KLRG1: variants seen among roughly 807,000 people sequenced by gnomAD.
The protein encoded by KLRG1 is killer cell lectin like receptor G1, also known as killer cell lectin-like receptor subfamily G member 1.
A neutral mutation model predicts 21.8 loss-of-function variants in KLRG1; 16 were observed. That is an observed-to-expected ratio of 0.73 (90% confidence interval 0.50 to 1.11). The LOEUF (loss-of-function observed/expected upper bound fraction) is 1.11, where lower values mean the gene tolerates loss of function less well. Ranked by LOEUF, KLRG1 falls within the 50% of genes most tolerant of loss-of-function variation. KLRG1 has a pLI of 0.00. For missense variants in KLRG1, 173 were observed against 218.3 expected, an observed-to-expected ratio of 0.79 and a Z score of 1.31; for synonymous variants, 69 against 75.9, an observed-to-expected ratio of 0.91 and a Z score of 0.47.
chr12:9,202,236 G>A, the KLRG1 span: 20 of 1,259,446 alleles, frequency 1.6e-5, no homozygotes, highest in African/African-American at 7.4e-5. Flanking sequence ...TCATCCTCTC[G>A]CTTTTCTTGT....
chr12:9,122,213 G>A, the KLRG1 span, among the ~76,000 whole-genome samples: 1 of 152,182 alleles, frequency 6.6e-6, no homozygotes, highest in Non-Finnish European at 1.5e-5. Flanking sequence ...TTTTGGAATA[G>A]GAAGCAAGGT....
the KLRG1 span, among the ~76,000 whole-genome samples, chr12:9,209,893 A>C: frequency 1.3e-5 from 2 of 152,146 alleles, no homozygotes; most frequent in African/African-American, 4.8e-5. Context: ...TGAGGATAAA[A>C]TTTATTAATT....
chr12:9,185,072 A>T, the KLRG1 span, among the ~76,000 whole-genome samples: 98,171 of 152,082 alleles, frequency 0.65, 31,896 homozygotes, highest in East Asian at 0.76. Context: ...GGTTCTTAAT[A>T]GGGCTGAGAT....
chr12:9,200,311 C>G, the KLRG1 span: 1 of 1,261,906 alleles, frequency 7.9e-7, no homozygotes, highest in Non-Finnish European at 1.1e-6. Context: ...CCTACATAAT[C>G]CCTCAAAATT....
At chr12:9,018,091 G>T in the KLRG1 span, among the ~76,000 whole-genome samples, 1 of 152,218 alleles carries the variant, frequency 6.6e-6, no homozygotes, top group South Asian at 2.1e-4. Flanking sequence ...GTAAGACATT[G>T]ATGCAAGAAA....
the KLRG1 span, chr12:9,095,747 T>G: frequency 1.9e-5 from 23 of 1,230,890 alleles, no homozygotes; most frequent in Non-Finnish European, 2.1e-5. Context: ...TGTGACTTTT[T>G]TTTTTTTTTT....
chr12:9,196,072 T>C, the KLRG1 span, among the ~76,000 whole-genome samples: 3 of 152,182 alleles, frequency 2.0e-5, no homozygotes, highest in Non-Finnish European at 4.4e-5. Flanking sequence ...AGGTTTGATA[T>C]AACAACTAAG....
the KLRG1 span, among the ~76,000 whole-genome samples, chr12:9,201,855 A>C: frequency 1.3e-5 from 2 of 152,116 alleles, no homozygotes; most frequent in African/African-American, 4.8e-5. Flanking sequence ...AGGTAAGTTG[A>C]AAAAAGGGAA....
At chr12:9,090,287 C>T in the KLRG1 span, 1 of 1,605,536 alleles carries the variant, frequency 6.2e-7, no homozygotes, top group South Asian at 1.1e-5. Context: ...AAGTAGCACT[C>T]AATATAAGGT....
At chr12:9,101,897 T>A in the KLRG1 span, among the ~76,000 whole-genome samples, 15 of 152,256 alleles carry the variant, frequency 9.9e-5, no homozygotes, top group Non-Finnish European at 2.2e-4. Flanking sequence ...GAGATTTATA[T>A]TTCTTAAGAG....
chr12:9,068,954 A>G, the KLRG1 span: 1 of 646,062 alleles, frequency 1.5e-6, no homozygotes, highest in Non-Finnish European at 2.6e-6. Flanking sequence ...CCTACAGCAC[A>G]CTATAGGGTC....
the KLRG1 span, among the ~76,000 whole-genome samples, chr12:9,136,853 C>T: frequency 6.6e-6 from 1 of 152,060 alleles, no homozygotes; most frequent in Non-Finnish European, 1.5e-5. Context: ...AGATCCTTGC[C>T]CATTTTAAAG....
the KLRG1 span, among the ~76,000 whole-genome samples, chr12:9,186,229 A>G: frequency 3.9e-5 from 6 of 152,216 alleles, no homozygotes; most frequent in African/African-American, 1.4e-4. Flanking sequence ...TGTTACCACC[A>G]GATCCAACTT....
the KLRG1 span, among the ~76,000 whole-genome samples, chr12:9,071,425 G>GA: frequency 1.3e-4 from 20 of 151,240 alleles, no homozygotes; most frequent in African/African-American, 2.2e-4. Context: ...CAAATTAAAT[G>GA]AAAAAAATAT....
chr12:9,171,051 G>A, the KLRG1 span, among the ~76,000 whole-genome samples: 6 of 152,328 alleles, frequency 3.9e-5, no homozygotes, highest in South Asian at 6.2e-4. Flanking sequence ...CTGACTGGGC[G>A]AGACCTCCCA....
At chr12:9,165,992 A>G in the KLRG1 span, 1 of 1,532,876 alleles carries the variant, frequency 6.5e-7, no homozygotes, top group Non-Finnish European at 8.8e-7. Flanking sequence ...TAGAATTGAA[A>G]ATGTTGGAGG....
the KLRG1 span, among the ~76,000 whole-genome samples, chr12:9,109,693 G>C: frequency 6.6e-6 from 1 of 152,020 alleles, no homozygotes; most frequent in Non-Finnish European, 1.5e-5. Flanking sequence ...GAAGCTATGT[G>C]AAGTCCTATT....
chr12:9,201,023 A>G, the KLRG1 span: 1 of 1,614,128 alleles, frequency 6.2e-7, no homozygotes, highest in Non-Finnish European at 8.5e-7. Flanking sequence ...TTCTAGCTTG[A>G]GACTCTGCCA....
the KLRG1 span, among the ~76,000 whole-genome samples, chr12:9,158,757 C>CTTTTTT: frequency 4.0e-5 from 5 of 125,418 alleles, no homozygotes; most frequent in South Asian, 2.6e-4. Flanking sequence ...CTTTTCTTTT[C>CTTTTTT]TTTTTTTTTT....
Sources: gnomAD v4.1 joint callset for allele counts (sites outside exome capture counted in the v4.1 genomes callset) on GRCh38, gnomAD v4.1.1 for gene constraint, MANE v1.5 for transcripts, NCBI Gene and HGNC (gene_info 2026-07-23, HGNC 2026-07-21) for gene names.